The following SIPA1L1 variants were observed in gnomAD, a reference collection of about 807,000 sequenced individuals.
The protein encoded by SIPA1L1 is signal-induced proliferation-associated 1-like protein 1.
A neutral mutation model predicts 162.7 loss-of-function variants in SIPA1L1; 26 were observed. The observed-to-expected ratio is 0.16, with a 90% CI of 0.12 to 0.22. SIPA1L1 has a LOEUF of 0.22. Among genes scored for constraint, SIPA1L1 ranks in the 10% least tolerant of loss-of-function variants. The pLI is 1.00. For synonymous variants in SIPA1L1, 829 were observed against 837.4 expected (o/e 0.99, Z 0.17); for missense variants, 1,874 against 2,241.0 (o/e 0.84, Z 3.31).
intron 2 of SIPA1L1, among the ~76,000 whole-genome samples, chr14:71,363,795 A>G (rs1041351584): frequency 6.6e-6 from 1 of 152,238 alleles, no homozygotes; most frequent in Admixed American, 6.5e-5. Context: ...GCAAAGTGTC[A>G]GCCCAGAAAC....
At chr14:71,587,473 T>G (rs1365274227) in intron 4 of SIPA1L1, 98 bp from the exon 5 acceptor site, 5 of 398,854 alleles carry the variant, frequency 1.3e-5, no homozygotes, top group Non-Finnish European at 2.2e-5. Flanking sequence ...CCTAATCCAT[T>G]ATTGAGTCTT....
chr14:71,663,146 T>A (rs1596744786), intron 10 of SIPA1L1, among the ~76,000 whole-genome samples: 1 of 152,230 alleles, frequency 6.6e-6, no homozygotes, highest in East Asian at 1.9e-4. Flanking sequence ...TGCCAAGATA[T>A]AGATGAAATT....
intron 4 of SIPA1L1, among the ~76,000 whole-genome samples, chr14:71,532,548 G>A (rs545067904): frequency 3.2e-4 from 49 of 152,122 alleles, no homozygotes; most frequent in Admixed American, 9.2e-4. Context: ...CTTGCTCTCC[G>A]CACCCTTGTT....
intron 2 of SIPA1L1, among the ~76,000 whole-genome samples, chr14:71,394,164 T>C (rs2040997300): frequency 6.6e-6 from 1 of 152,190 alleles, no homozygotes; most frequent in Non-Finnish European, 1.5e-5. Context: ...TGCCAACATA[T>C]CAGCCTAGAT....
At chr14:71,362,930 A>G (rs1027994279) in intron 2 of SIPA1L1, among the ~76,000 whole-genome samples, 4 of 152,238 alleles carry the variant, frequency 2.6e-5, no homozygotes, top group African/African-American at 7.2e-5. Context: ...TTCTCCAGAC[A>G]GATTTCCATC....
chr14:71,340,253 T>C (rs879060597), intron 2 of SIPA1L1, among the ~76,000 whole-genome samples: 4 of 152,174 alleles, frequency 2.6e-5, no homozygotes, highest in Non-Finnish European at 4.4e-5. Context: ...GTTTTTTTTT[T>C]CGTATCTTTA....
intron 8 of SIPA1L1, among the ~76,000 whole-genome samples, chr14:71,658,092 T>C (rs2043211759): frequency 6.6e-6 from 1 of 152,156 alleles, no homozygotes; most frequent in Admixed American, 6.5e-5. Context: ...TTTGAAATCT[T>C]ATGTTTTTTA....
At chr14:71,350,489 A>G (rs2036594232) in intron 2 of SIPA1L1, among the ~76,000 whole-genome samples, 1 of 152,152 alleles carries the variant, frequency 6.6e-6, no homozygotes, top group Non-Finnish European at 1.5e-5. Flanking sequence ...GATTGGCAAA[A>G]CCTAGTGAGG....
At chr14:71,405,488 C>T (rs2041972089) in intron 2 of SIPA1L1, among the ~76,000 whole-genome samples, 1 of 152,232 alleles carries the variant, frequency 6.6e-6, no homozygotes, top group Non-Finnish European at 1.5e-5. Context: ...TGTACATTGA[C>T]TGTCTTTCTT....
chr14:71,639,672 A>G (rs576032746), intron 7 of SIPA1L1, among the ~76,000 whole-genome samples: 1 of 152,332 alleles, frequency 6.6e-6, no homozygotes, highest in South Asian at 2.1e-4. Context: ...TGATTTCAAG[A>G]CATGTTATAT....
chr14:71,581,869 T>C (rs1017662191), intron 4 of SIPA1L1, among the ~76,000 whole-genome samples: 3 of 152,234 alleles, frequency 2.0e-5, no homozygotes, highest in Admixed American at 2.0e-4. Flanking sequence ...TTTACCTTTC[T>C]ACTTACTACC....
In SIPA1L1 at chr14:71,724,784, G is replaced by T; in HGVS notation, c.4563G>T (p.Lys1521Asn). 1 of 1,614,116 alleles carries T rather than the reference G, an allele frequency of 6.2e-7. No individual in the cohort carries two copies. Residue 1521 changes from lysine (K) to asparagine (N), a missense_variant, in exon 19 of 24, where the codon AAG becomes AAT. Coordinates refer to ENST00000381232, the MANE Select transcript of SIPA1L1 (RefSeq NM_001386936.1). The part of the protein sequence containing the change: ...TSKSTIEEDL[K>N]KLIDLESPTP... ...AGTCCACCATTGAAGAAGATCTAAAGAAACTAATTGATCTTGAAAGCCCAA... is the reference window on the plus strand; with the variant it reads ...AGTCCACCATTGAAGAAGATCTAAATAAACTAATTGATCTTGAAAGCCCAA...
chr14:71,666,146 A>G (rs1029002158), intron 10 of SIPA1L1, among the ~76,000 whole-genome samples: 3 of 152,228 alleles, frequency 2.0e-5, no homozygotes, highest in Admixed American at 6.5e-5. Flanking sequence ...ATAATGGAAG[A>G]ATACAACCTC....
intron 13 of SIPA1L1, 142 bp downstream of exon 13, chr14:71,685,773 A>C: frequency 5.5e-6 from 6 of 1,094,968 alleles, no homozygotes; most frequent in Non-Finnish European, 7.7e-6. Flanking sequence ...AGTGACTTTC[A>C]AAGCATGGTA....
chr14:71,401,661 A>C (rs917713611), intron 2 of SIPA1L1, among the ~76,000 whole-genome samples: 1 of 152,092 alleles, frequency 6.6e-6, no homozygotes, highest in Non-Finnish European at 1.5e-5. Flanking sequence ...ATTTTTTAGC[A>C]AAAGTTATAT....
At chr14:71,532,951 G>C (rs1186636215) in intron 4 of SIPA1L1, among the ~76,000 whole-genome samples, 2 of 152,168 alleles carry the variant, frequency 1.3e-5, no homozygotes, top group African/African-American at 4.8e-5. Context: ...TGTAGCCTCT[G>C]CTTAACCTCT....
chr14:71,541,993 A>G lies in SIPA1L1; in HGVS notation c.-303+12623A>G, dbSNP rs563649351. Among the ~76,000 whole-genome samples, 6 of 152,304 alleles carry G rather than the reference A, an allele frequency of 3.9e-5. No individual in the cohort carries two copies. The South Asian group carries it at 1.2e-3, about 32-fold the overall frequency. On this transcript the variant is annotated intron_variant, in intron 4 of 23. Coordinates refer to ENST00000381232, the MANE Select transcript of SIPA1L1 (RefSeq NM_001386936.1). ...GTAATAACTTACTGACTTTGGGGTTAAGGGACAGGAGGAAATCAATGGCAC... is the reference window on the plus strand; with the variant it reads ...GTAATAACTTACTGACTTTGGGGTTGAGGGACAGGAGGAAATCAATGGCAC...
intron 4 of SIPA1L1, among the ~76,000 whole-genome samples, chr14:71,535,114 G>A (rs1191010093): frequency 1.3e-5 from 2 of 152,132 alleles, no homozygotes; most frequent in Non-Finnish European, 2.9e-5. Context: ...GCTAATAATA[G>A]GTTCTCACAG....
At chr14:71,381,986 T>A (rs2039944869) in intron 2 of SIPA1L1, among the ~76,000 whole-genome samples, 1 of 152,236 alleles carries the variant, frequency 6.6e-6, no homozygotes, top group African/African-American at 2.4e-5. Flanking sequence ...ATTTTTGAGG[T>A]TCTTTTTAAA....
Sources: allele counts gnomAD v4.1 joint callset (sites outside exome capture counted in the v4.1 genomes callset), GRCh38; gene constraint gnomAD v4.1.1; transcripts MANE v1.5; gene names NCBI Gene and HGNC (gene_info 2026-07-23, HGNC 2026-07-21).